Variants in NIPAL3 observed in about 807,000 individuals in gnomAD.
NIPAL3 encodes the protein NIPA like domain containing 3.
NIPAL3 carries 41 observed loss-of-function variants against 47.2 expected under a neutral mutation model. The ratio of observed to expected loss-of-function variants is 0.87; its 90% confidence interval spans 0.68 to 1.13. The LOEUF (loss-of-function observed/expected upper bound fraction) is 1.13. Among genes scored for constraint, NIPAL3 ranks in the 50% most tolerant of loss-of-function variants. The probability of loss-of-function intolerance (pLI) is 0.00; values close to 1 mark genes in which losing one functional copy is unlikely to be tolerated. For synonymous variants in NIPAL3, 194 were observed against 209.6 expected, an observed-to-expected ratio of 0.93 and a Z score of 0.64; for missense variants, 449 against 530.1, an observed-to-expected ratio of 0.85 and a Z score of 1.50.
At chr1:24,431,966 G>A (rs1017289293) in intron 2 of NIPAL3, among the ~76,000 whole-genome samples, 1 of 151,738 alleles carries the variant, frequency 6.6e-6, no homozygotes, top group African/African-American at 2.4e-5. Context: ...AGTACCCTGT[G>A]CCTTTCCTGT....
At chr1:24,456,440 G>A (rs116744367) in intron 8 of NIPAL3, among the ~76,000 whole-genome samples, 167 bp downstream of exon 8, 3,079 of 152,230 alleles carry the variant, frequency 0.02, 104 homozygotes, top group African/African-American at 0.07. Flanking sequence ...TCACCTGGAG[G>A]GACACCTGCC....
chr1:24,431,279 G>A (rs746230821), intron 2 of NIPAL3, among the ~76,000 whole-genome samples: 1 of 152,176 alleles, frequency 6.6e-6, no homozygotes, highest in Admixed American at 6.5e-5. Flanking sequence ...ACTTGGCAAT[G>A]TACCAGAGTA....
At chr1:24,441,575 G>A (rs1645385702) in intron 3 of NIPAL3, among the ~76,000 whole-genome samples, 1 of 152,166 alleles carries the variant, frequency 6.6e-6, no homozygotes, top group South Asian at 2.1e-4. Context: ...ACTGCCCAGC[G>A]AGAGCTGCTG....
At chr1:24,463,746 G>T (rs1646576088) in intron 10 of NIPAL3, among the ~76,000 whole-genome samples, 1 of 152,152 alleles carries the variant, frequency 6.6e-6, no homozygotes. Context: ...TGGAAGTGAA[G>T]AGCCATGAGA....
intron 2 of NIPAL3, among the ~76,000 whole-genome samples, chr1:24,432,416 C>T (rs1357666506): frequency 1.3e-5 from 2 of 152,182 alleles, no homozygotes; most frequent in Non-Finnish European, 2.9e-5. Flanking sequence ...TGTGAGCCAT[C>T]GCGCCCGGCC....
intron 2 of NIPAL3, among the ~76,000 whole-genome samples, chr1:24,421,201 C>T (rs1553131178): frequency 6.6e-6 from 1 of 151,568 alleles, no homozygotes; most frequent in Non-Finnish European, 1.5e-5. Context: ...ACCTACCACA[C>T]AAAAAATACA....
At chr1:24,445,072 G>A in intron 4 of NIPAL3, 113 bp from the exon 5 acceptor site, 2 of 675,876 alleles carry the variant, frequency 3.0e-6, no homozygotes, top group Non-Finnish European at 2.6e-6. Context: ...TGAGTGACAG[G>A]TTAGGAAGTA....
In NIPAL3 at chr1:24,454,035, T is replaced by TG; in HGVS notation, c.637+531_637+532insG. 6.0e-6 allele frequency: 3 copies of TG among 499,780 alleles called. No homozygotes were observed. Among genetic ancestry groups the TG allele is most frequent in the Non-Finnish European group, 1.1e-5 (3 of 275,048 alleles). 31.0% of individuals were successfully genotyped at this position (499,780 alleles called of 1,614,324 possible). A position where few individuals can be genotyped will look rare whatever the true frequency, so the allele number is the denominator to read the frequency against. On this transcript the variant is annotated intron_variant, in intron 7 of 11. Transcript: ENST00000374399. This position sits in a 1 kb window ranked among gnomAD's most constrained non-coding sequence, Gnocchi z 4.1. ...AGAACTGCATATTAATTTTTCCTTT[T>TG]TTTTTTTTTTTGAGACAGTCTTGCT... is the stretch of plus-strand genomic sequence containing the variant.
At chr1:24,468,900 A>G in intron 11 of NIPAL3, 86 bp from the exon 12 acceptor site, 4 of 1,231,728 alleles carry the variant, frequency 3.2e-6, no homozygotes, top group Non-Finnish European at 4.7e-6. Flanking sequence ...GAGCACTATA[A>G]TTAGTCTGTG....
chr1:24,459,003 T>C (rs759919302), intron 9 of NIPAL3, 27 bp downstream of exon 9: 9 of 1,594,952 alleles, frequency 5.6e-6, no homozygotes, highest in Non-Finnish European at 6.9e-6. Flanking sequence ...GCTAGATTTC[T>C]GTCTTCTACT....
chr1:24,441,840 T>C (rs1375844387), intron 3 of NIPAL3, among the ~76,000 whole-genome samples: 3 of 152,170 alleles, frequency 2.0e-5, no homozygotes, highest in Admixed American at 2.0e-4. Flanking sequence ...CAGGGGATTA[T>C]AAGGATTCCC....
intron 2 of NIPAL3, among the ~76,000 whole-genome samples, chr1:24,431,798 T>C (rs1022865110): frequency 6.6e-6 from 1 of 151,944 alleles, no homozygotes; most frequent in Non-Finnish European, 1.5e-5. Flanking sequence ...TACTTGCTGG[T>C]TCCCACCCCC....
At chr1:24,427,078 A>G (rs1463236530) in intron 2 of NIPAL3, among the ~76,000 whole-genome samples, 1 of 152,240 alleles carries the variant, frequency 6.6e-6, no homozygotes, top group Non-Finnish European at 1.5e-5. Flanking sequence ...TTCCTCAGGA[A>G]AAAGAGGAGC....
chr1:24,429,235 C>T (rs1644768931), intron 2 of NIPAL3, among the ~76,000 whole-genome samples: 1 of 152,048 alleles, frequency 6.6e-6, no homozygotes, highest in South Asian at 2.1e-4. Flanking sequence ...CATGGAGAAA[C>T]CCCGTCTCTA....
intron 2 of NIPAL3, among the ~76,000 whole-genome samples, chr1:24,420,605 T>C (rs182569935): frequency 6.6e-6 from 1 of 152,336 alleles, no homozygotes; most frequent in Non-Finnish European, 1.5e-5. Flanking sequence ...CCTTGTTTTT[T>C]TCTAGTATTA....
Position 24,454,625 on chromosome 1 carries a change from T to C in NIPAL3, c.637+1121T>C, listed in dbSNP as rs1047766545. 4 of 850,096 alleles carry C rather than the reference T, an allele frequency of 4.7e-6. No individual in the cohort carries two copies. Among genetic ancestry groups the C allele is most frequent in the Admixed American group, 6.2e-5 (1 of 16,122 alleles). 52.7% of individuals were successfully genotyped at this position (850,096 alleles called of 1,614,324 possible). ...AAGTATACAATTCAGTGGTTTTTAG[T>C]ATTTCATAGAGTTGTGAAACCATCA... is the stretch of plus-strand genomic sequence containing the variant. On this transcript the variant is annotated intron_variant, in intron 7 of 11. Coordinates refer to ENST00000374399, the MANE Select transcript of NIPAL3 (RefSeq NM_020448.5). The surrounding 1 kb of genome is among the most constrained non-coding windows in gnomAD (Gnocchi z 4.1).
intron 8 of NIPAL3, among the ~76,000 whole-genome samples, chr1:24,457,042 A>T (rs1175582864): frequency 2.0e-5 from 3 of 152,138 alleles, no homozygotes; most frequent in Admixed American, 1.3e-4. Flanking sequence ...GATTACAGGC[A>T]TGAGCCACAA....
intron 11 of NIPAL3, 59 bp from the exon 12 acceptor site, chr1:24,468,927 T>A: frequency 6.7e-7 from 1 of 1,499,202 alleles, no homozygotes; most frequent in Non-Finnish European, 9.2e-7. Context: ...TAGAGGGAGA[T>A]GCGGCCTCCT....
At position 24,467,230 on chromosome 1, in the gene NIPAL3, G is replaced by A. The variant is rs577401296; in HGVS notation, c.1022-1756G>A. On this transcript the variant is annotated intron_variant, in intron 11 of 11. Coordinates refer to ENST00000374399, the MANE Select transcript of NIPAL3 (RefSeq NM_020448.5). ...TGTAATCCCAGCATTTTGGGAGGCCGAGGCGGGCAGATCACAAGGTCAGGA... is the reference window on the plus strand; with the variant it reads ...TGTAATCCCAGCATTTTGGGAGGCCAAGGCGGGCAGATCACAAGGTCAGGA... Among the ~76,000 whole-genome samples, 172 of 152,170 alleles carry A rather than the reference G, an allele frequency of 1.1e-3. 1 individual carries two copies. The highest frequency in any genetic ancestry group is 9.9e-4 in the African/African-American group (41 of 41,530).
Sources: gnomAD v4.1 joint callset for allele counts (sites outside exome capture counted in the v4.1 genomes callset) on GRCh38, gnomAD v4.1.1 for gene constraint, Gnocchi (gnomAD v3.1) non-coding constraint, MANE v1.5 for transcripts, NCBI Gene and HGNC (gene_info 2026-07-23, HGNC 2026-07-21) for gene names.